The following RANBP2 variants were observed in gnomAD, a reference collection of about 807,000 sequenced individuals.
RANBP2 encodes the protein E3 SUMO-protein ligase RanBP2.
A neutral mutation model predicts 303.6 loss-of-function variants in RANBP2; 57 were observed. The observed-to-expected ratio is 0.19, with a 90% confidence interval of 0.15 to 0.23. The LOEUF (loss-of-function observed/expected upper bound fraction) is 0.23. RANBP2 is among the 10% of genes least tolerant of loss of function. The pLI is 1.00. For missense variants in RANBP2, 3,138 were observed against 3,780.8 expected (o/e 0.83, Z 4.46); for synonymous variants, 1,167 against 1,301.5 (o/e 0.90, Z 2.23).
At chr2:108,863,186 C>T in the RANBP2 span, among the ~76,000 whole-genome samples, 4 of 151,992 alleles carry the variant, frequency 2.6e-5, no homozygotes, top group Non-Finnish European at 4.4e-5. Context: ...TTTATTCAAT[C>T]GTTCTATTAT....
the RANBP2 span, among the ~76,000 whole-genome samples, chr2:109,114,591 A>G: frequency 6.6e-6 from 1 of 151,744 alleles, no homozygotes; most frequent in South Asian, 2.1e-4. Context: ...CAGCTCCTGG[A>G]TTCATTAATT....
chr2:109,733,072 G>A, the RANBP2 span: 3 of 555,834 alleles, frequency 5.4e-6, no homozygotes, highest in South Asian at 4.1e-5. Context: ...CTTGTAGCCG[G>A]AGCAGGTCCC....
the RANBP2 span, among the ~76,000 whole-genome samples, chr2:109,373,323 G>A: frequency 1.3e-5 from 2 of 152,172 alleles, no homozygotes; most frequent in Admixed American, 6.5e-5. Flanking sequence ...TTTTCTCCAG[G>A]CAGAATCTTA....
chr2:108,970,554 GA>G, the RANBP2 span, among the ~76,000 whole-genome samples: 2 of 152,086 alleles, frequency 1.3e-5, no homozygotes, highest in Non-Finnish European at 2.9e-5. Flanking sequence ...ACTGGGCAGG[GA>G]GGTGGACAGG....
At chr2:109,129,804 G>C in the RANBP2 span, 12 of 1,538,428 alleles carry the variant, frequency 7.8e-6, no homozygotes, top group Non-Finnish European at 1.0e-5. Context: ...TCGTGTGCTC[G>C]CGCCACGAGC....
the RANBP2 span, among the ~76,000 whole-genome samples, chr2:109,575,178 C>T: frequency 1.3e-5 from 2 of 152,156 alleles, no homozygotes; most frequent in East Asian, 3.9e-4. Flanking sequence ...CATGCTGGGT[C>T]CCTTTCTGAC....
the RANBP2 span, among the ~76,000 whole-genome samples, chr2:109,183,362 C>A: frequency 6.6e-6 from 1 of 152,144 alleles, no homozygotes; most frequent in African/African-American, 2.4e-5. Flanking sequence ...ACACAGGGAA[C>A]CAAAGAGATG....
chr2:109,206,490 C>CAAAAAAAAAAAAAAAAAAA, the RANBP2 span, among the ~76,000 whole-genome samples: 2 of 40,756 alleles, frequency 4.9e-5, no homozygotes, highest in African/African-American at 9.9e-5. Flanking sequence ...GACTCCGTCT[C>CAAAAAAAAAAAAAAAAAAA]AAAAAAAAAA....
the RANBP2 span, among the ~76,000 whole-genome samples, chr2:109,534,517 C>T: frequency 1.1e-3 from 166 of 152,334 alleles, 1 homozygote; most frequent in African/African-American, 3.8e-3. Flanking sequence ...CCGTGGCTCA[C>T]ACCTGTAATC....
At chr2:109,613,793 C>A in the RANBP2 span, 3 of 1,230,004 alleles carry the variant, frequency 2.4e-6, no homozygotes, top group Non-Finnish European at 3.0e-6. Context: ...GTCGGCGGGA[C>A]TCACCAGGTG....
At chr2:109,341,225 G>A in the RANBP2 span, among the ~76,000 whole-genome samples, 69,852 of 152,124 alleles carry the variant, frequency 0.46, 16,951 homozygotes, top group East Asian at 0.61. Context: ...AAAGGAACTC[G>A]AAATATAATT....
chr2:108,724,154 GT>G (rs1010915458), intron 1 of RANBP2, among the ~76,000 whole-genome samples: 5 of 152,060 alleles, frequency 3.3e-5, no homozygotes, highest in Admixed American at 6.6e-5. Flanking sequence ...TAGATGAGAG[GT>G]TTTTTTGTTT....
chr2:109,226,697 C>G, the RANBP2 span, among the ~76,000 whole-genome samples: 1 of 152,154 alleles, frequency 6.6e-6, no homozygotes, highest in Admixed American at 6.5e-5. Flanking sequence ...TCCGTTTGCT[C>G]CTAAGTCTTT....
the RANBP2 span, chr2:108,794,776 A>C: frequency 7.5e-7 from 1 of 1,337,914 alleles, no homozygotes; most frequent in Admixed American, 2.4e-5. Context: ...CTAAGAACCA[A>C]GCATTTACGA....
the RANBP2 span, among the ~76,000 whole-genome samples, chr2:109,577,068 C>T: frequency 6.6e-6 from 1 of 151,840 alleles, no homozygotes; most frequent in East Asian, 1.9e-4. Context: ...AAACAAAGAT[C>T]TTAAAAGCAT....
At chr2:108,798,816 TACAC>T in the RANBP2 span, among the ~76,000 whole-genome samples, 6,843 of 131,580 alleles carry the variant, frequency 0.052, 178 homozygotes, top group Middle Eastern at 0.1. Context: ...TCTCCACACC[TACAC>T]ACACACACAC....
the RANBP2 span, among the ~76,000 whole-genome samples, chr2:109,201,477 A>T: frequency 6.6e-6 from 1 of 150,918 alleles, no homozygotes; most frequent in East Asian, 2.0e-4. Context: ...TCTCTCTCTT[A>T]TCTCTCTCTC....
the RANBP2 span, among the ~76,000 whole-genome samples, chr2:109,022,941 C>A: frequency 3.9e-5 from 6 of 152,172 alleles, no homozygotes; most frequent in African/African-American, 1.4e-4. Context: ...ATCCCAGCTA[C>A]TCAGCAGGCT....
chr2:109,317,547 G>A, the RANBP2 span, among the ~76,000 whole-genome samples: 10 of 152,130 alleles, frequency 6.6e-5, no homozygotes, highest in African/African-American at 1.4e-4. Flanking sequence ...TCGTTCTGCC[G>A]GGCCTGCCTC....
Sources: gnomAD v4.1 joint callset for allele counts (sites outside exome capture counted in the v4.1 genomes callset) on GRCh38, gnomAD v4.1.1 for gene constraint, MANE v1.5 for transcripts, NCBI Gene and HGNC (gene_info 2026-07-23, HGNC 2026-07-21) for gene names.